MBTPS1: variants seen among roughly 807,000 people sequenced by gnomAD.
MBTPS1 encodes membrane bound transcription factor peptidase, site 1.
A neutral mutation model predicts 127.8 loss-of-function variants in MBTPS1; 94 were observed. That is an observed-to-expected ratio of 0.74 (90% CI 0.62 to 0.87). MBTPS1 has a LOEUF of 0.87. Ranked by LOEUF, MBTPS1 falls within the 40% of genes least tolerant of loss-of-function variation. MBTPS1 has a pLI of 0.00. For synonymous variants in MBTPS1, 632 were observed against 509.4 expected, an observed-to-expected ratio of 1.24 and a Z score of -3.24; for missense variants, 1,636 against 1,353.2, an observed-to-expected ratio of 1.21 and a Z score of -3.28.
intron 22 of MBTPS1, 133 bp from the exon 23 acceptor site, chr16:84,054,778 C>G: frequency 1.6e-6 from 1 of 638,968 alleles, no homozygotes; most frequent in Non-Finnish European, 2.5e-6. Flanking sequence ...GGGCATACAT[C>G]ATTTTTAAGC....
At position 84,070,789 on chromosome 16, in the gene MBTPS1, G is replaced by T. The variant is rs1222676955; in HGVS notation, c.1594-13C>A. ...GCTGCCAGTCAGGCTGCAGGAAAAA[G>T]AAATCAGACAAAGGCTAAAGTGAAA... On this transcript the variant is annotated splice_polypyrimidine_tract_variant and intron_variant, in intron 12 of 22. Transcript: ENST00000343411. The T allele has an allele frequency of 1.1e-5, 18 of 1,592,390 alleles. No individual in the cohort carries two copies. The highest frequency in any genetic ancestry group is 1.5e-5 in the Non-Finnish European group (18 of 1,169,290).
intron 4 of MBTPS1, among the ~76,000 whole-genome samples, chr16:84,094,893 A>C (rs946304398): frequency 6.6e-6 from 1 of 152,206 alleles, no homozygotes; most frequent in Non-Finnish European, 1.5e-5. Flanking sequence ...AGGGTCCCTA[A>C]GTCAAGGATA....
intron 1 of MBTPS1, among the ~76,000 whole-genome samples, chr16:84,108,850 C>G (rs1359221762): frequency 6.6e-6 from 1 of 152,122 alleles, no homozygotes; most frequent in Non-Finnish European, 1.5e-5. Context: ...TGGGATGCGG[C>G]TTTCTTACTG....
chr16:84,088,242 A>G (rs2086058225), intron 8 of MBTPS1, among the ~76,000 whole-genome samples: 1 of 152,166 alleles, frequency 6.6e-6, no homozygotes, highest in African/African-American at 2.4e-5. Context: ...ATCAACAACT[A>G]CATACAACTG....
intron 1 of MBTPS1, among the ~76,000 whole-genome samples, chr16:84,114,661 C>A (rs2086444678): frequency 6.6e-6 from 1 of 151,612 alleles, no homozygotes; most frequent in African/African-American, 2.4e-5. Context: ...AAAAACCCGT[C>A]TCTACTAAAA....
chr16:84,104,600 T>C (rs2086298653), intron 1 of MBTPS1, among the ~76,000 whole-genome samples: 1 of 152,220 alleles, frequency 6.6e-6, no homozygotes, highest in African/African-American at 2.4e-5. Context: ...TAGACCTAAC[T>C]GGGTTAAATC....
At chr16:84,071,537 C>A (rs1371720221) in intron 12 of MBTPS1, among the ~76,000 whole-genome samples, 1 of 152,216 alleles carries the variant, frequency 6.6e-6, no homozygotes, top group Non-Finnish European at 1.5e-5. Context: ...CTTGGAGCCA[C>A]TGGTTCCCAA....
At chr16:84,060,433 T>G (rs1006542536) in intron 20 of MBTPS1, 8 of 428,486 alleles carry the variant, frequency 1.9e-5, no homozygotes, top group Admixed American at 1.1e-4. Context: ...CAGAGTGGCG[T>G]GAGGGTCGGG....
chr16:84,083,244 G>A (rs1339721614), intron 10 of MBTPS1, among the ~76,000 whole-genome samples: 1 of 152,156 alleles, frequency 6.6e-6, no homozygotes, highest in Non-Finnish European at 1.5e-5. Context: ...TGTGCAAACA[G>A]GCCAGGTAGC....
intron 19 of MBTPS1, among the ~76,000 whole-genome samples, chr16:84,062,058 G>A (rs1284771921): frequency 1.3e-5 from 2 of 152,158 alleles, no homozygotes; most frequent in Non-Finnish European, 2.9e-5. Flanking sequence ...TAAAATCTCT[G>A]TGGAAATAAA....
rs2085944490 is a variant in MBTPS1, at chr16:84,081,778, G to C, written c.1417C>G (p.Gln473Glu). 4.1e-6 allele frequency: 6 copies of C among 1,462,602 alleles called. No individual in the cohort carries two copies. The East Asian group carries it at 1.0e-4, about 26-fold the overall frequency. 90.6% of individuals were successfully genotyped at this position (1,462,602 alleles called of 1,614,324 possible). A position where few individuals can be genotyped will look rare whatever the true frequency, so the allele number is the denominator to read the frequency against. Reference sequence around the variant, plus strand: ...TGTGGCTTGTAGCTGTTGAGGATCTGATAGGCTCTGAGCAGATCGAGCTTG... The same window carrying C: ...TGTGGCTTGTAGCTGTTGAGGATCTCATAGGCTCTGAGCAGATCGAGCTTG... ...HGKLDLLRAYQILNSYKPQAS... is the reference protein window; with the variant it reads ...HGKLDLLRAYEILNSYKPQAS... Residue 473 changes from glutamine (Q) to glutamate (E), a missense_variant, in exon 11 of 23, where the codon CAG becomes GAG. By Grantham distance (29) the Gln-to-Glu change is conservative. Transcript: ENST00000343411.
At chr16:84,071,014 T>A (rs4782889) in intron 12 of MBTPS1, among the ~76,000 whole-genome samples, 2 of 152,128 alleles carry the variant, frequency 1.3e-5, no homozygotes, top group Non-Finnish European at 2.9e-5. Context: ...TCCAATTTTA[T>A]GGAGACATTT....
rs1424613321 is a variant in MBTPS1 at position 84,060,733 on chromosome 16, G to A, written c.2653C>T (p.Arg885Cys). The change falls in exon 20 of 23, where the codon CGC becomes TGC. Residue 885 changes from arginine (R) to cysteine (C), a missense_variant. Physicochemically the swap from Arg to Cys is radical, Grantham distance 180 (BLOSUM62 -3). Coordinates refer to ENST00000343411, the MANE Select transcript of MBTPS1 (RefSeq NM_003791.4). ...CCTGCTCCACTGGGAGGGCGCTGGCGGTTCCCAGAGTGACTGAGGCTAGGC... is the reference window on the plus strand; with the variant it reads ...CCTGCTCCACTGGGAGGGCGCTGGCAGTTCCCAGAGTGACTGAGGCTAGGC... ...TPPSLSHSGN[R>C]QRPPSGAGSV... is the part of the protein sequence containing the mutation. The A allele has an allele frequency of 3.7e-6, 6 of 1,613,218 alleles. No homozygotes were observed. Among genetic ancestry groups the A allele is most frequent in the South Asian group, 2.2e-5 (2 of 90,772 alleles).
intron 9 of MBTPS1, among the ~76,000 whole-genome samples, 198 bp from the exon 10 acceptor site, chr16:84,085,332 C>T (rs985417978): frequency 6.6e-6 from 1 of 152,112 alleles, no homozygotes; most frequent in Admixed American, 6.5e-5. Flanking sequence ...TCTGGGAGGC[C>T]GAGGCAGGTG....
chr16:84,073,604 G>C (rs970099464), intron 12 of MBTPS1, among the ~76,000 whole-genome samples: 5 of 151,572 alleles, frequency 3.3e-5, no homozygotes, highest in African/African-American at 1.2e-4. Context: ...GTTTTCTATG[G>C]TTTTTCCCTA....
chr16:84,081,996 A>G (rs748946346), intron 10 of MBTPS1, 88 bp from the exon 11 acceptor site: 6 of 982,610 alleles, frequency 6.1e-6, no homozygotes, highest in Non-Finnish European at 8.2e-6. Context: ...ACGTGCACAC[A>G]AGAGGCCTGC....
In MBTPS1 at chr16:84,059,303, T is replaced by A. The variant is rs1466437664; in HGVS notation, c.2830A>T (p.Ser944Cys). 3.7e-6 allele frequency: 6 copies of A among 1,613,218 alleles called. No homozygotes were observed. The highest frequency in any genetic ancestry group is 2.5e-6 in the Non-Finnish European group (3 of 1,179,342). Residue 944 changes from serine to cysteine, a missense_variant and splice_region_variant, in exon 21 of 23, where the codon AGT (serine) becomes TGT (cysteine). Transcript: ENST00000343411. Reference sequence around the variant, plus strand: ...GGAAGGGCACAGGCGGACACTAACCTGGGCGCCGTCTCGTTTAAAGGCTGT... The same window carrying A: ...GGAAGGGCACAGGCGGACACTAACCAGGGCGCCGTCTCGTTTAAAGGCTGT... The part of the protein sequence containing the change: ...KPQPLNETAP[S>C]NLWKHQKLLS...
At chr16:84,056,248 G>A in intron 21 of MBTPS1, 113 bp from the exon 22 acceptor site, 1 of 871,978 alleles carries the variant, frequency 1.1e-6, no homozygotes, top group East Asian at 2.7e-5. Context: ...ACGGGGAGAT[G>A]TGAAATGCCA....
At chr16:84,105,519 G>A (rs1231685699) in intron 1 of MBTPS1, among the ~76,000 whole-genome samples, 7 of 152,172 alleles carry the variant, frequency 4.6e-5, no homozygotes, top group African/African-American at 1.4e-4. Context: ...TCTGAGCTCA[G>A]TAGCACTGAA....
Sources: gnomAD v4.1 joint callset for allele counts (sites outside exome capture counted in the v4.1 genomes callset) on GRCh38, gnomAD v4.1.1 for gene constraint, MANE v1.5 for transcripts, NCBI Gene and HGNC (gene_info 2026-07-23, HGNC 2026-07-21) for gene names.